ADAMTSL1: variants seen among roughly 807,000 people sequenced by gnomAD.
The protein encoded by ADAMTSL1 is ADAMTS like 1.
Under a neutral mutation model 201.8 loss-of-function variants are expected in ADAMTSL1, and 126 were observed. That is an observed-to-expected ratio of 0.62 (90% CI 0.54 to 0.72). The LOEUF (loss-of-function observed/expected upper bound fraction) is 0.72. ADAMTSL1 is among the 30% of genes least tolerant of loss of function. The pLI, the probability that ADAMTSL1 is intolerant of heterozygous loss-of-function variation, is 0.00. For synonymous variants in ADAMTSL1, 1,121 were observed against 903.4 expected (o/e 1.24, Z -4.32); for missense variants, 2,679 against 2,277.8 (o/e 1.18, Z -3.59).
At chr9:17,928,033 C>T (rs566198128) in intron 1 of ADAMTSL1, among the ~76,000 whole-genome samples, 3 of 149,396 alleles carry the variant, frequency 2.0e-5, no homozygotes, top group South Asian at 2.1e-4. Context: ...CTTGCTCTGT[C>T]GCCCAGGCTG....
intron 3 of ADAMTSL1, among the ~76,000 whole-genome samples, chr9:18,562,765 T>A (rs1821610207): frequency 6.6e-6 from 1 of 152,260 alleles, no homozygotes; most frequent in Non-Finnish European, 1.5e-5. Flanking sequence ...TTCATTAAGA[T>A]GATCTTCAAT....
chr9:18,712,438 A>G (rs1430142778), intron 14 of ADAMTSL1, among the ~76,000 whole-genome samples: 1 of 151,802 alleles, frequency 6.6e-6, no homozygotes, highest in African/African-American at 2.4e-5. Flanking sequence ...AGGCTCCAGA[A>G]CTACGTGAAG....
intron 1 of ADAMTSL1, among the ~76,000 whole-genome samples, chr9:18,474,550 C>T (rs575642603): frequency 1.4e-4 from 21 of 152,188 alleles, no homozygotes; most frequent in Middle Eastern, 3.4e-3. Context: ...GAGACATGAA[C>T]TTTGGGACAT....
intron 1 of ADAMTSL1, among the ~76,000 whole-genome samples, chr9:18,103,934 G>A (rs192580399): frequency 1.5e-4 from 23 of 152,298 alleles, no homozygotes; most frequent in African/African-American, 5.3e-4. Flanking sequence ...TATCTGTGAT[G>A]TATTAGCATA....
intron 1 of ADAMTSL1, among the ~76,000 whole-genome samples, chr9:18,135,185 T>C (rs1249704208): frequency 6.6e-6 from 1 of 152,208 alleles, no homozygotes; most frequent in Non-Finnish European, 1.5e-5. Context: ...ATGTGGAATC[T>C]GCTCTAGTTA....
chr9:17,992,676 C>A (rs185479377), intron 1 of ADAMTSL1, among the ~76,000 whole-genome samples: 1 of 152,118 alleles, frequency 6.6e-6, no homozygotes, highest in African/African-American at 2.4e-5. Context: ...CTGTAGTGGC[C>A]ATGATCACAC....
intron 2 of ADAMTSL1, among the ~76,000 whole-genome samples, chr9:18,227,769 C>A (rs1052951459): frequency 6.6e-6 from 1 of 152,154 alleles, no homozygotes; most frequent in South Asian, 2.1e-4. Context: ...TCCCCTAGTG[C>A]CTCATATGGT....
chr9:18,162,035 A>G (rs982955245), intron 1 of ADAMTSL1, among the ~76,000 whole-genome samples: 1 of 152,078 alleles, frequency 6.6e-6, no homozygotes. Flanking sequence ...ATAGCACAAA[A>G]GTATTATCTT....
chr9:18,724,360 T>C (rs1416306608), intron 15 of ADAMTSL1, among the ~76,000 whole-genome samples: 1 of 152,198 alleles, frequency 6.6e-6, no homozygotes, highest in East Asian at 1.9e-4. Flanking sequence ...CTTTCTAAGA[T>C]TAAACTTGGC....
intron 3 of ADAMTSL1, among the ~76,000 whole-genome samples, chr9:18,557,244 T>C (rs890658954): frequency 3.9e-5 from 6 of 151,940 alleles, no homozygotes; most frequent in Non-Finnish European, 8.8e-5. Flanking sequence ...ATGGTCAGGG[T>C]TAGAGTTTAC....
At chr9:18,554,338 C>T (rs116940244) in intron 3 of ADAMTSL1, among the ~76,000 whole-genome samples, 3,029 of 151,804 alleles carry the variant, frequency 0.02, 38 homozygotes, top group Non-Finnish European at 0.03. Flanking sequence ...CTCCTTTTCA[C>T]GTTGCCTTGT....
intron 23 of ADAMTSL1, among the ~76,000 whole-genome samples, chr9:18,883,090 A>T (rs1828638435): frequency 1.3e-5 from 2 of 152,116 alleles, no homozygotes; most frequent in African/African-American, 4.8e-5. Flanking sequence ...TCCATTGGCC[A>T]AGTGGAAAAG....
At chr9:18,731,385 C>T (rs994643920) in intron 15 of ADAMTSL1, among the ~76,000 whole-genome samples, 5 of 152,228 alleles carry the variant, frequency 3.3e-5, no homozygotes, top group African/African-American at 1.2e-4. Flanking sequence ...AATCCCAGCA[C>T]TTTGGGAGAC....
chr9:18,314,782 CTTTTTTTTTTTTTTT>C (rs776046209), intron 2 of ADAMTSL1, among the ~76,000 whole-genome samples: 82 of 49,854 alleles, frequency 1.6e-3, no homozygotes, highest in African/African-American at 5.1e-3. Flanking sequence ...CGGCAGCGTG[CTTTTTTTTTTTTTTT>C]TTTTTTTTTT....
At chr9:18,221,297 G>C (rs1830249914) in intron 2 of ADAMTSL1, among the ~76,000 whole-genome samples, 1 of 152,004 alleles carries the variant, frequency 6.6e-6, no homozygotes, top group Non-Finnish European at 1.5e-5. Flanking sequence ...TTGGTCTTTT[G>C]GGAATGCATT....
chr9:18,327,989 T>C (rs960680230), intron 2 of ADAMTSL1, among the ~76,000 whole-genome samples: 2 of 152,170 alleles, frequency 1.3e-5, no homozygotes, highest in Non-Finnish European at 2.9e-5. Context: ...TATACTCTAT[T>C]GTAAGAAAAA....
In ADAMTSL1 at chr9:18,893,007, C is replaced by T. The variant is rs143784938; in HGVS notation, c.4851+411C>T. On this transcript the variant is annotated intron_variant, in intron 26 of 28. Transcript: ENST00000380548. ...TGGCCATAGAGTTCACGTTCCATCTCGTAAGCCATTTGTGTCCCAGGTAAG... is the reference window on the plus strand; with the variant it reads ...TGGCCATAGAGTTCACGTTCCATCTTGTAAGCCATTTGTGTCCCAGGTAAG... 3.7e-3 allele frequency among the ~76,000 whole-genome samples: 556 copies of T among 151,618 alleles called. 4 individuals carry two copies. Among genetic ancestry groups the T allele is most frequent in the Non-Finnish European group, 5.7e-3 (385 of 67,960 alleles).
intron 2 of ADAMTSL1, among the ~76,000 whole-genome samples, chr9:18,201,566 A>G (rs926458762): frequency 6.6e-6 from 1 of 152,060 alleles, no homozygotes; most frequent in African/African-American, 2.4e-5. Flanking sequence ...CCTTAGAAGG[A>G]GCAATGGGTT....
chr9:18,868,433 T>G (rs554558171), intron 23 of ADAMTSL1, among the ~76,000 whole-genome samples: 18 of 152,344 alleles, frequency 1.2e-4, no homozygotes, highest in African/African-American at 4.3e-4. Flanking sequence ...CTTTAAAGAT[T>G]GTTGGGGTTT....
Sources: gnomAD v4.1 joint callset for allele counts (sites outside exome capture counted in the v4.1 genomes callset) on GRCh38, gnomAD v4.1.1 for gene constraint, MANE v1.5 for transcripts, NCBI Gene and HGNC (gene_info 2026-07-23, HGNC 2026-07-21) for gene names.